The following THSD7B variants were observed in gnomAD, a reference collection of about 807,000 sequenced individuals.
THSD7B encodes thrombospondin type-1 domain-containing protein 7B.
THSD7B carries 138 observed loss-of-function variants against 213.6 expected under a neutral mutation model. The observed-to-expected ratio is 0.65, with a 90% CI of 0.56 to 0.74. The LOEUF (loss-of-function observed/expected upper bound fraction) is 0.74, where lower values mean the gene tolerates loss of function less well. Ranked by LOEUF, THSD7B falls within the 30% of genes least tolerant of loss-of-function variation. The pLI, the probability that THSD7B is intolerant of heterozygous loss-of-function variation, is 0.00. For synonymous variants in THSD7B, 742 were observed against 687.0 expected, an observed-to-expected ratio of 1.08 and a Z score of -1.25; for missense variants, 1,931 against 1,991.5, an observed-to-expected ratio of 0.97 and a Z score of 0.58.
intron 12 of THSD7B, among the ~76,000 whole-genome samples, chr2:137,276,864 G>A (rs1036660735): frequency 1.1e-4 from 16 of 151,900 alleles, no homozygotes; most frequent in African/African-American, 3.9e-4. Context: ...GTCATACTTT[G>A]GAAATAATAT....
chr2:136,933,750 A>T (rs1269665344), intron 2 of THSD7B, among the ~76,000 whole-genome samples: 1 of 152,072 alleles, frequency 6.6e-6, no homozygotes, highest in Admixed American at 6.6e-5. Flanking sequence ...ATTATCACAG[A>T]TGTTAAGTCT....
At chr2:137,180,540 T>C (rs559298358) in intron 7 of THSD7B, among the ~76,000 whole-genome samples, 1 of 152,310 alleles carries the variant, frequency 6.6e-6, no homozygotes, top group South Asian at 2.1e-4. Flanking sequence ...TATATTAAGG[T>C]ACACTCAATG....
At chr2:137,142,898 AC>A (rs1216907354) in intron 5 of THSD7B, among the ~76,000 whole-genome samples, 1 of 152,172 alleles carries the variant, frequency 6.6e-6, no homozygotes, top group East Asian at 1.9e-4. Context: ...ACACAGGCAT[AC>A]ACACACTTAT....
intron 2 of THSD7B, among the ~76,000 whole-genome samples, chr2:137,055,627 A>T (rs1301704135): frequency 6.6e-6 from 1 of 152,182 alleles, no homozygotes; most frequent in Non-Finnish European, 1.5e-5. Context: ...ACACAAATGA[A>T]TTAGTTAATT....
At chr2:137,623,431 C>T (rs1237001080) in intron 20 of THSD7B, among the ~76,000 whole-genome samples, 2 of 152,160 alleles carry the variant, frequency 1.3e-5, no homozygotes, top group African/African-American at 4.8e-5. Context: ...GACACAGATG[C>T]CCTCTCTCAC....
At chr2:136,873,134 C>T (rs2104983252) in intron 1 of THSD7B, among the ~76,000 whole-genome samples, 1 of 151,582 alleles carries the variant, frequency 6.6e-6, no homozygotes, top group African/African-American at 2.4e-5. Flanking sequence ...ATTTCAATCC[C>T]TCTTTTTATC....
At chr2:137,518,796 C>T (rs946423880) in intron 15 of THSD7B, among the ~76,000 whole-genome samples, 10 of 152,294 alleles carry the variant, frequency 6.6e-5, no homozygotes, top group South Asian at 2.1e-4. Context: ...GACATGGCTA[C>T]GGCCACTCCT....
intron 12 of THSD7B, among the ~76,000 whole-genome samples, chr2:137,307,019 T>G (rs1683766389): frequency 6.6e-6 from 1 of 152,206 alleles, no homozygotes; most frequent in African/African-American, 2.4e-5. Flanking sequence ...GACCTTTGTC[T>G]AATAAGCTGT....
intron 9 of THSD7B, among the ~76,000 whole-genome samples, chr2:137,240,110 A>G (rs1235522617): frequency 1.3e-5 from 2 of 152,118 alleles, no homozygotes; most frequent in African/African-American, 4.8e-5. Flanking sequence ...AGGGACACAA[A>G]CATTTTGTTC....
At chr2:137,531,622 A>G (rs1249433076) in intron 15 of THSD7B, among the ~76,000 whole-genome samples, 1 of 151,960 alleles carries the variant, frequency 6.6e-6, no homozygotes, top group Non-Finnish European at 1.5e-5. Context: ...GGGCTCCCTT[A>G]GGAGGATGCA....
At chr2:137,491,882 C>A (rs2375511) in intron 15 of THSD7B, among the ~76,000 whole-genome samples, 34,260 of 151,972 alleles carry the variant, frequency 0.23, 4,022 homozygotes, top group South Asian at 0.27. Context: ...TAGATTGTTT[C>A]TAGTATTCGA....
chr2:137,433,797 T>C (rs1687236071), intron 14 of THSD7B, among the ~76,000 whole-genome samples: 1 of 152,224 alleles, frequency 6.6e-6, no homozygotes, highest in East Asian at 1.9e-4. Flanking sequence ...GCATTTTCAC[T>C]GTGCAGTTTA....
chr2:137,201,774 T>C (rs4954481), intron 7 of THSD7B, among the ~76,000 whole-genome samples: 141,219 of 151,904 alleles, frequency 0.93, 65,838 homozygotes, highest in Middle Eastern at 0.98. Flanking sequence ...ATCCCCTCAT[T>C]GGACTTGCTA....
chr2:137,476,813 T>C (rs1688204536), intron 15 of THSD7B, among the ~76,000 whole-genome samples: 1 of 152,192 alleles, frequency 6.6e-6, no homozygotes, highest in African/African-American at 2.4e-5. Context: ...GTGCTGGGAT[T>C]ACAGGCATGA....
intron 10 of THSD7B, among the ~76,000 whole-genome samples, chr2:137,259,373 C>A (rs374078939): frequency 3.9e-4 from 59 of 152,286 alleles, no homozygotes; most frequent in African/African-American, 1.3e-3. Context: ...TTAATAATTG[C>A]CATTCTGACT....
chr2:137,053,779 A>T (rs575823372), intron 2 of THSD7B, among the ~76,000 whole-genome samples: 5 of 152,292 alleles, frequency 3.3e-5, no homozygotes, highest in African/African-American at 1.2e-4. Flanking sequence ...ACCTAATCAA[A>T]TAGAGATAAA....
chr2:137,577,642 T>C (rs1175122825), intron 17 of THSD7B, among the ~76,000 whole-genome samples: 2 of 152,116 alleles, frequency 1.3e-5, no homozygotes, highest in East Asian at 1.9e-4. Context: ...CATTTATCTC[T>C]TCTTCCCCCA....
intron 22 of THSD7B, among the ~76,000 whole-genome samples, chr2:137,656,265 C>T (rs535103536): frequency 1.8e-4 from 28 of 151,670 alleles, no homozygotes; most frequent in African/African-American, 6.8e-4. Flanking sequence ...TGTATACACA[C>T]ATATGTATTA....
intron 14 of THSD7B, among the ~76,000 whole-genome samples, chr2:137,427,684 G>A (rs1362742867): frequency 1.3e-5 from 2 of 152,034 alleles, no homozygotes; most frequent in African/African-American, 2.4e-5. Context: ...CCAAGGGTTG[G>A]GTATTAGGGG....
Sources: allele counts gnomAD v4.1 joint callset (sites outside exome capture counted in the v4.1 genomes callset), GRCh38; gene constraint gnomAD v4.1.1; transcripts MANE v1.5; gene names NCBI Gene and HGNC (gene_info 2026-07-23, HGNC 2026-07-21).